Variants in ZNF229 observed in about 807,000 individuals in gnomAD.
ZNF229 encodes the protein zinc finger protein 229.
In ZNF229, 10 loss-of-function variants were observed where a neutral mutation model predicts 11.8. That is an observed-to-expected ratio of 0.85 (90% confidence interval 0.52 to 1.44). The LOEUF (loss-of-function observed/expected upper bound fraction) is 1.44. Ranked by LOEUF, ZNF229 falls within the 40% of genes most tolerant of loss-of-function variation. The probability of loss-of-function intolerance (pLI) is 0.00; values close to 1 mark genes in which losing one functional copy is unlikely to be tolerated. For missense variants in ZNF229, 1,045 were observed against 1,015.1 expected, an observed-to-expected ratio of 1.03 and a Z score of -0.40; for synonymous variants, 368 against 374.8, an observed-to-expected ratio of 0.98 and a Z score of 0.21.
intron 4 of ZNF229, among the ~76,000 whole-genome samples, chr19:44,436,675 G>A (rs1971820248): frequency 6.6e-6 from 1 of 151,674 alleles, no homozygotes; most frequent in African/African-American, 2.4e-5. Context: ...TACTTGAGGT[G>A]GAAGAATCAC....
At chr19:44,431,198 G>A (rs1053721676) in intron 5 of ZNF229, among the ~76,000 whole-genome samples, 9 of 152,098 alleles carry the variant, frequency 5.9e-5, no homozygotes, top group African/African-American at 1.7e-4. Context: ...TAGGAATCCA[G>A]AAAATACTGT....
chr19:44,445,832 C>T (rs1309918920), intron 2 of ZNF229, among the ~76,000 whole-genome samples: 3 of 152,180 alleles, frequency 2.0e-5, no homozygotes, highest in African/African-American at 7.2e-5. Flanking sequence ...ACGGGAGTAA[C>T]CTGAACTCAG....
At chr19:44,432,395 T>C (rs754388821) in intron 4 of ZNF229, 29 bp from the exon 5 acceptor site, 22 of 1,608,778 alleles carry the variant, frequency 1.4e-5, no homozygotes, top group South Asian at 8.9e-5. Context: ...AACACAAACA[T>C]CTACTAGATG....
rs374460097 is a variant in ZNF229 at position 44,428,941 on chromosome 19, C to T, written c.1840G>A (p.Asp614Asn). 2.2e-5 allele frequency: 36 copies of T among 1,611,608 alleles called. No individual in the cohort carries two copies. The highest frequency in any genetic ancestry group is 3.3e-4 in the Middle Eastern group (2 of 6,036). ...VCGKGFIYSS[D>N]LLIHQRVHTG... ...TGGACCCTCTGATGGATAAGGAGGT[C>T]GGAGCTGTAGATGAAACCCTTCCCA... The change falls in exon 6 of 6, where the codon GAC becomes AAC. Residue 614 changes from aspartate to asparagine, a missense_variant. Asp to Asn is a conservative substitution (Grantham distance 23). Coordinates refer to ENST00000614049, the MANE Select transcript of ZNF229 (RefSeq NM_014518.4).
chr19:44,444,563 C>T (rs1250276712), intron 2 of ZNF229, among the ~76,000 whole-genome samples: 5 of 152,212 alleles, frequency 3.3e-5, no homozygotes, highest in Non-Finnish European at 5.9e-5. Context: ...CGCAATGCCA[C>T]TTAAACTCAA....
At chr19:44,444,336 C>T (rs937890135) in intron 2 of ZNF229, among the ~76,000 whole-genome samples, 2 of 151,672 alleles carry the variant, frequency 1.3e-5, no homozygotes, top group African/African-American at 4.9e-5. Context: ...GATTTTACTG[C>T]TTCAGGAACT....
Position 44,442,626 on chromosome 19 carries a change from A to G in ZNF229, c.35-5T>C, listed in dbSNP as rs749027469. The G allele has an allele frequency of 1.9e-6, 3 of 1,614,096 alleles. No individual in the cohort carries two copies. The East Asian group carries it at 6.7e-5, about 36-fold the overall frequency. On this transcript the variant is annotated splice_region_variant and splice_polypyrimidine_tract_variant and intron_variant, in intron 3 of 5. Transcript: ENST00000614049. The stretch of plus-strand genomic sequence containing the variant: ...CTGAGGCTTGAGAATGAAGAGCTGT[A>G]GGAGGAGAAAGAGGCCATGAGGAGG...
At chr19:44,447,810 C>A (rs201694376) in intron 1 of ZNF229, among the ~76,000 whole-genome samples, 1 of 152,100 alleles carries the variant, frequency 6.6e-6, no homozygotes, top group Non-Finnish European at 1.5e-5. Context: ...CCAAAGAAAC[C>A]GTCTACAAGC....
In ZNF229 at chr19:44,430,069, T is replaced by C; in HGVS notation, c.712A>G (p.Lys238Glu). ...HVDHRFPEID[K>E]PCGCNKCRKD... is the part of the protein sequence containing the mutation. Reference sequence around the variant, plus strand: ...CTGCATTTATTGCAACCACACGGCTTGTCTATTTCAGGGAATCTGTGATCA... The same window carrying C: ...CTGCATTTATTGCAACCACACGGCTCGTCTATTTCAGGGAATCTGTGATCA... The change falls in exon 6 of 6, where the codon AAG (lysine) becomes GAG (glutamate). Residue 238 changes from lysine (K) to glutamate (E), a missense_variant. Coordinates refer to ENST00000614049, the MANE Select transcript of ZNF229 (RefSeq NM_014518.4). 1 of 1,614,186 alleles carries C rather than the reference T, an allele frequency of 6.2e-7. No homozygotes were observed. The highest frequency in any genetic ancestry group is 8.5e-7 in the Non-Finnish European group (1 of 1,180,042).
intron 5 of ZNF229, among the ~76,000 whole-genome samples, chr19:44,431,297 G>T (rs1455563070): frequency 2.0e-5 from 3 of 152,162 alleles, no homozygotes; most frequent in African/African-American, 7.2e-5. Context: ...GGATCAAACT[G>T]TCATATTTAC....
chr19:44,440,470 G>T (rs538572125), intron 4 of ZNF229, among the ~76,000 whole-genome samples: 2 of 152,014 alleles, frequency 1.3e-5, no homozygotes, highest in Non-Finnish European at 1.5e-5. Flanking sequence ...ATTAATGCCC[G>T]AGAGAACAGA....
chr19:44,428,379 C>T lies in ZNF229; in HGVS notation c.2402G>A (p.Cys801Tyr), dbSNP rs755328683. The T allele has an allele frequency of 8.7e-6, 14 of 1,614,028 alleles. No homozygotes were observed. The South Asian group carries it at 1.3e-4, about 15-fold the overall frequency. The change falls in exon 6 of 6, where the codon TGT becomes TAT. Residue 801 changes from cysteine (C) to tyrosine (Y), a missense_variant. Coordinates refer to ENST00000614049, the MANE Select transcript of ZNF229 (RefSeq NM_014518.4). ...TGEKPYTCGV[C>Y]GKGFSYTSGL... ...TGAGGTATAACTGAAGCCTTTCCCA[C>T]ACACACCACACGTATAGGGCTTCTC...
At chr19:44,432,717 C>T (rs1971747453) in intron 4 of ZNF229, among the ~76,000 whole-genome samples, 1 of 151,902 alleles carries the variant, frequency 6.6e-6, no homozygotes, top group Non-Finnish European at 1.5e-5. Flanking sequence ...GGAGGGATAG[C>T]ATTAGGAGAT....
rs1309021743 is a variant in ZNF229 at position 44,430,176 on chromosome 19, CT to C, written c.604del (p.Arg202AspfsTer35). 1 of 1,614,092 alleles carries C rather than the reference CT, an allele frequency of 6.2e-7. No homozygotes were observed. On this transcript the variant is annotated frameshift_variant, in exon 6 of 6. Coordinates refer to ENST00000614049, the MANE Select transcript of ZNF229 (RefSeq NM_014518.4). LOFTEE classifies it low-confidence loss of function (END_TRUNC). ...FVNQLGDVQE[R>X]CKNLDTEDTV... Reference sequence around the variant, plus strand: ...GTCTTCTGTGTCGAGATTTTTACATCTTTCTTGAACATCCCCTAACTGGTTC... The same window carrying C: ...GTCTTCTGTGTCGAGATTTTTACATCTTCTTGAACATCCCCTAACTGGTTC...
chr19:44,430,296 C>G lies in ZNF229; in HGVS notation c.485G>C (p.Gly162Ala), dbSNP rs1971695679. 1 of 1,613,966 alleles carries G rather than the reference C, an allele frequency of 6.2e-7. No homozygotes were observed. Among genetic ancestry groups the G allele is most frequent in the African/African-American group, 1.3e-5 (1 of 74,850 alleles). The change falls in exon 6 of 6, where the codon GGG becomes GCG. Residue 162 changes from glycine to alanine, a missense_variant. Transcript: ENST00000614049. ...PIENFLDSLQGDGLIGLENQQ... is the reference protein window; with the variant it reads ...PIENFLDSLQADGLIGLENQQ... ...ATTTTCTAGACCGATAAGCCCATCC[C>G]CTTGTAGACTGTCCAGGAAATTCTC...
At chr19:44,441,299 T>C (rs753883999) in intron 4 of ZNF229, among the ~76,000 whole-genome samples, 24 of 152,156 alleles carry the variant, frequency 1.6e-4, no homozygotes, top group Non-Finnish European at 8.8e-5. Flanking sequence ...AAAAACGTGC[T>C]AATTGCTTCA....
chr19:44,434,489 C>T (rs1403576627), intron 4 of ZNF229, among the ~76,000 whole-genome samples: 1 of 151,704 alleles, frequency 6.6e-6, no homozygotes, highest in African/African-American at 2.4e-5. Flanking sequence ...CCTTCAGCTA[C>T]GAATGGTGGC....
intron 2 of ZNF229, among the ~76,000 whole-genome samples, chr19:44,447,000 A>G (rs534462363): frequency 1.3e-5 from 2 of 152,302 alleles, no homozygotes; most frequent in South Asian, 4.1e-4. Flanking sequence ...CATAAGCGCA[A>G]AGACCTGGTT....
rs1463297723 is a variant in ZNF229, at chr19:44,448,426, T to C, written c.-383A>G. On this transcript the variant is annotated 5_prime_UTR_variant, in exon 1 of 6. Coordinates refer to ENST00000614049, the MANE Select transcript of ZNF229 (RefSeq NM_014518.4). ...GCCTGACAGTACAACCGCATGGAGA[T>C]GCACGTCTCTAAGACGCCTCACCAC... The C allele has an allele frequency of 6.6e-6, 1 of 152,224 alleles. No individual in the cohort carries two copies. Among genetic ancestry groups the C allele is most frequent in the Non-Finnish European group, 1.5e-5 (1 of 68,062 alleles). The allele number at this position is 152,224 out of a possible 1,614,324, so 9.4% of individuals were successfully genotyped here.
Sources: allele counts gnomAD v4.1 joint callset (sites outside exome capture counted in the v4.1 genomes callset), GRCh38; gene constraint gnomAD v4.1.1; transcripts MANE v1.5; gene names NCBI Gene and HGNC (gene_info 2026-07-23, HGNC 2026-07-21).